The following KCND3 variants were observed in gnomAD, a reference collection of about 807,000 sequenced individuals.
KCND3 encodes A-type voltage-gated potassium channel KCND3.
KCND3 carries 9 observed loss-of-function variants against 51.1 expected under a neutral mutation model. The ratio of observed to expected loss-of-function variants is 0.18; its 90% CI spans 0.11 to 0.31. The LOEUF (loss-of-function observed/expected upper bound fraction) is 0.31. KCND3 is among the 10% of genes least tolerant of loss of function. The pLI is 1.00. For synonymous variants in KCND3, 349 were observed against 368.0 expected (o/e 0.95, Z 0.59); for missense variants, 526 against 903.8 (o/e 0.58, Z 5.36).
At chr1:111,894,643 GC>G (rs1352258325) in intron 2 of KCND3, among the ~76,000 whole-genome samples, 1 of 152,228 alleles carries the variant, frequency 6.6e-6, no homozygotes, top group Non-Finnish European at 1.5e-5. Flanking sequence ...AGGCTGCGCT[GC>G]ACCACGGCAA....
chr1:111,808,246 C>G (rs895365531), intron 2 of KCND3, among the ~76,000 whole-genome samples: 1 of 152,248 alleles, frequency 6.6e-6, no homozygotes, highest in Non-Finnish European at 1.5e-5. Context: ...AAACACTGCT[C>G]TTTCAGAAAA....
At chr1:111,911,354 C>G (rs766232421) in intron 2 of KCND3, among the ~76,000 whole-genome samples, 2 of 152,144 alleles carry the variant, frequency 1.3e-5, no homozygotes, top group South Asian at 2.1e-4. Flanking sequence ...GCAAGGTACA[C>G]GGAGGAGTAG....
chr1:111,969,844 A>G (rs1674225796), intron 2 of KCND3, among the ~76,000 whole-genome samples: 1 of 151,916 alleles, frequency 6.6e-6, no homozygotes, highest in Non-Finnish European at 1.5e-5. Context: ...CCATCTCAAA[A>G]CCAACTGCGG....
chr1:111,900,827 T>C (rs955886229), intron 2 of KCND3, among the ~76,000 whole-genome samples: 1 of 151,988 alleles, frequency 6.6e-6, no homozygotes, highest in African/African-American at 2.4e-5. Context: ...TGTGGTGGCA[T>C]GCGCCTGTAA....
chr1:111,793,176 CTTTTTT>C (rs527596358), intron 2 of KCND3, among the ~76,000 whole-genome samples: 1 of 134,844 alleles, frequency 7.4e-6, no homozygotes, highest in African/African-American at 2.7e-5. Flanking sequence ...GAAGCATATT[CTTTTTT>C]TTTTTTTTTT....
At chr1:111,965,488 A>ACACACACACACACACACT (rs1557752929) in intron 2 of KCND3, among the ~76,000 whole-genome samples, 1 of 148,932 alleles carries the variant, frequency 6.7e-6, no homozygotes, top group African/African-American at 2.5e-5. Flanking sequence ...ACACACACAC[A>ACACACACACACACACACT]CGCCAGGAGC....
At chr1:111,879,338 C>A (rs1005963104) in intron 2 of KCND3, among the ~76,000 whole-genome samples, 1 of 152,098 alleles carries the variant, frequency 6.6e-6, no homozygotes, top group African/African-American at 2.4e-5. Context: ...TTGCATGTAA[C>A]CGGTGGTTCT....
At chr1:111,812,030 C>CATCT (rs1665877433) in intron 2 of KCND3, among the ~76,000 whole-genome samples, 2 of 152,132 alleles carry the variant, frequency 1.3e-5, no homozygotes, top group Non-Finnish European at 2.9e-5. Context: ...TCAGTGTTCT[C>CATCT]GTCTGGAAAT....
intron 2 of KCND3, among the ~76,000 whole-genome samples, chr1:111,813,693 G>T (rs1365624326): frequency 6.6e-6 from 1 of 152,222 alleles, no homozygotes; most frequent in Non-Finnish European, 1.5e-5. Context: ...CCCTAGGTAG[G>T]TCAAAGGGTG....
At chr1:111,800,079 G>A (rs1471944124) in intron 2 of KCND3, among the ~76,000 whole-genome samples, 1 of 149,350 alleles carries the variant, frequency 6.7e-6, no homozygotes, top group Non-Finnish European at 1.5e-5. Context: ...GGATGATAAT[G>A]GCGGCTTTGT....
intron 2 of KCND3, among the ~76,000 whole-genome samples, chr1:111,836,859 G>A (rs1000550516): frequency 6.6e-6 from 1 of 152,146 alleles, no homozygotes; most frequent in Non-Finnish European, 1.5e-5. Context: ...ATGAGTTCAG[G>A]ATTCCAAACT....
At chr1:111,868,090 C>G (rs1309783176) in intron 2 of KCND3, among the ~76,000 whole-genome samples, 1 of 152,136 alleles carries the variant, frequency 6.6e-6, no homozygotes, top group Non-Finnish European at 1.5e-5. Flanking sequence ...TACAGTAGTC[C>G]CCACTTATCT....
At chr1:111,901,638 C>T (rs544038252) in intron 2 of KCND3, among the ~76,000 whole-genome samples, 9 of 152,294 alleles carry the variant, frequency 5.9e-5, no homozygotes, top group African/African-American at 2.2e-4. Context: ...GAGCCCAGAG[C>T]GCCACCTCTG....
At chr1:111,816,696 GAAACAAA>G (rs1203794417) in intron 2 of KCND3, among the ~76,000 whole-genome samples, 1 of 152,222 alleles carries the variant, frequency 6.6e-6, no homozygotes, top group East Asian at 1.9e-4. Context: ...TACAGGTGGA[GAAACAAA>G]AACCTAAAGA....
chr1:111,981,686 C>A lies in KCND3; in HGVS notation c.1041G>T (p.Ser347=), dbSNP rs369361457. The A allele has an allele frequency of 1.2e-6, 2 of 1,613,926 alleles. No homozygotes were observed. ...TVMFYAEKGS[S]ASKFTSIPAS... is the part of the protein sequence containing the mutation. ...CAGGGATGCTTGTGAACTTGCTGGC[C>A]GAGGAGCCCTTCTCGGCATAAAACA... The change falls in exon 2 of 8, where the codon TCG becomes TCT. Residue 347 remains serine, a synonymous_variant. Coordinates refer to ENST00000302127, the MANE Select transcript of KCND3 (RefSeq NM_001378969.1). The surrounding 1 kb of genome is among the most constrained non-coding windows in gnomAD (Gnocchi z 6.2).
chr1:111,846,867 C>T (rs1237015699), intron 2 of KCND3, among the ~76,000 whole-genome samples: 1 of 152,130 alleles, frequency 6.6e-6, no homozygotes, highest in Non-Finnish European at 1.5e-5. Flanking sequence ...ATGAAGCAGC[C>T]CTGGGCAGTT....
At chr1:111,838,561 G>A (rs1449141685) in intron 2 of KCND3, among the ~76,000 whole-genome samples, 1 of 152,088 alleles carries the variant, frequency 6.6e-6, no homozygotes, top group African/African-American at 2.4e-5. Context: ...GGAGGCTGAG[G>A]CAGGAGAATG....
At chr1:111,792,828 C>T (rs973123355) in intron 2 of KCND3, among the ~76,000 whole-genome samples, 45 of 151,332 alleles carry the variant, frequency 3.0e-4, no homozygotes, top group African/African-American at 1.1e-3. Context: ...CTAAACTGGA[C>T]TTCTGCAAAA....
chr1:111,812,561 C>T (rs1178784896), intron 2 of KCND3, among the ~76,000 whole-genome samples: 2 of 152,246 alleles, frequency 1.3e-5, no homozygotes, highest in Non-Finnish European at 2.9e-5. Flanking sequence ...GTGCTAAGCA[C>T]TTTCTTCACG....
Sources: gnomAD v4.1 joint callset for allele counts (sites outside exome capture counted in the v4.1 genomes callset) on GRCh38, gnomAD v4.1.1 for gene constraint, Gnocchi (gnomAD v3.1) non-coding constraint, MANE v1.5 for transcripts, NCBI Gene and HGNC (gene_info 2026-07-23, HGNC 2026-07-21) for gene names.